NME7: variants seen among roughly 807,000 people sequenced by gnomAD.
NME7 encodes nucleoside diphosphate kinase 7.
NME7 carries 41 observed loss-of-function variants against 49.1 expected under a neutral mutation model. The observed-to-expected ratio is 0.83, with a 90% CI of 0.65 to 1.08. NME7 has a LOEUF of 1.08. NME7 is among the 50% of genes least tolerant of loss of function. The probability of loss-of-function intolerance (pLI) is 0.00; values close to 1 mark genes in which losing one functional copy is unlikely to be tolerated. For synonymous variants in NME7, 139 were observed against 150.6 expected (o/e 0.92, Z 0.56); for missense variants, 423 against 463.4 (o/e 0.91, Z 0.80).
chr1:169,262,942 G>A (rs1649209108), intron 7 of NME7, among the ~76,000 whole-genome samples: 1 of 133,158 alleles, frequency 7.5e-6, no homozygotes, highest in Non-Finnish European at 1.8e-5. Context: ...CCTTGGACCA[G>A]AATAACCAAC....
intron 10 of NME7, among the ~76,000 whole-genome samples, chr1:169,170,826 C>T (rs1375616447): frequency 6.6e-6 from 1 of 152,068 alleles, no homozygotes; most frequent in African/African-American, 2.4e-5. Flanking sequence ...ATTTAGGAGG[C>T]TCAGGCAGGA....
intron 11 of NME7, among the ~76,000 whole-genome samples, chr1:169,151,431 C>T (rs1658911891): frequency 6.6e-6 from 1 of 152,172 alleles, no homozygotes. Context: ...GACTCCCCAG[C>T]TGACCACCAT....
chr1:169,263,848 G>A lies in NME7; in HGVS notation c.754+23455C>T, dbSNP rs185812503. 1.2e-3 allele frequency among the ~76,000 whole-genome samples: 162 copies of A among 132,066 alleles called. 19 individuals carry two copies. The highest frequency in any genetic ancestry group is 3.9e-3 in the African/African-American group (155 of 39,270). 86.6% of individuals were successfully genotyped at this position (132,066 alleles called of 152,430 possible). On this transcript the variant is annotated intron_variant, in intron 7 of 11. Transcript: ENST00000367811. ...AGAAAAAATGTTAAAAGCAGCTAGAGAGAAAGGACAGGTCACCTAAAAAGA... is the reference window on the plus strand; with the variant it reads ...AGAAAAAATGTTAAAAGCAGCTAGAAAGAAAGGACAGGTCACCTAAAAAGA...
chr1:169,266,969 GA>G (rs1649336989), intron 7 of NME7, among the ~76,000 whole-genome samples: 2 of 132,996 alleles, frequency 1.5e-5, no homozygotes, highest in Non-Finnish European at 3.5e-5. Context: ...TTGGGAGGCT[GA>G]GGCACAAGAA....
intron 10 of NME7, among the ~76,000 whole-genome samples, chr1:169,219,469 T>A (rs1189053024): frequency 6.6e-6 from 1 of 152,158 alleles, no homozygotes; most frequent in Non-Finnish European, 1.5e-5. Flanking sequence ...GATTTTGGTG[T>A]CTGAGGGGGT....
intron 7 of NME7, among the ~76,000 whole-genome samples, chr1:169,277,778 G>T (rs201966537): frequency 2.1e-4 from 25 of 119,598 alleles, no homozygotes; most frequent in Admixed American, 2.7e-4. Flanking sequence ...TTTCTTCCTA[G>T]TCTTGATGGT....
At chr1:169,241,623 T>C (rs968631022) in intron 7 of NME7, among the ~76,000 whole-genome samples, 11 of 151,920 alleles carry the variant, frequency 7.2e-5, no homozygotes, top group African/African-American at 2.4e-4. Flanking sequence ...ATGCTCACCA[T>C]AGAATTATTA....
At chr1:169,232,625 C>T (rs1004212224) in intron 9 of NME7, among the ~76,000 whole-genome samples, 1 of 151,136 alleles carries the variant, frequency 6.6e-6, no homozygotes, top group Non-Finnish European at 1.5e-5. Flanking sequence ...CAATGATGAC[C>T]AAAAAATGTA....
intron 3 of NME7, among the ~76,000 whole-genome samples, chr1:169,317,233 C>G (rs143631322): frequency 6.6e-6 from 1 of 152,166 alleles, no homozygotes; most frequent in East Asian, 1.9e-4. Context: ...TCAATCAAAC[C>G]CTTTCTAAGG....
At chr1:169,268,099 T>TA (rs1455186429) in intron 7 of NME7, among the ~76,000 whole-genome samples, 1 of 130,444 alleles carries the variant, frequency 7.7e-6, no homozygotes, top group African/African-American at 2.6e-5. Context: ...AGGAAAAAAA[T>TA]AAAAACAACC....
At chr1:169,249,974 T>C (rs1648492906) in intron 7 of NME7, among the ~76,000 whole-genome samples, 1 of 152,114 alleles carries the variant, frequency 6.6e-6, no homozygotes, top group Non-Finnish European at 1.5e-5. Context: ...GGTATCAGAA[T>C]GATACTGGCT....
intron 1 of NME7, among the ~76,000 whole-genome samples, chr1:169,367,329 C>G (rs1417767263): frequency 6.6e-6 from 1 of 152,146 alleles, no homozygotes; most frequent in Non-Finnish European, 1.5e-5. Context: ...AGATTCAGAT[C>G]AGTGTTGAGA....
At chr1:169,308,671 TA>T (rs924515619) in intron 4 of NME7, among the ~76,000 whole-genome samples, 1 of 142,998 alleles carries the variant, frequency 7.0e-6, no homozygotes, top group Non-Finnish European at 1.6e-5. Flanking sequence ...AAAGGATCTC[TA>T]AAAAAAACTG....
intron 10 of NME7, among the ~76,000 whole-genome samples, chr1:169,187,101 T>C (rs976451218): frequency 6.6e-6 from 1 of 152,330 alleles, no homozygotes. Context: ...GAGTTCTAAT[T>C]TGATGGCACT....
At chr1:169,133,062 T>G (rs17345087) in intron 11 of NME7, among the ~76,000 whole-genome samples, 3,529 of 152,236 alleles carry the variant, frequency 0.023, 85 homozygotes, top group Admixed American at 0.074. Flanking sequence ...TGTTGGTTCC[T>G]GCTATTGCTT....
intron 10 of NME7, among the ~76,000 whole-genome samples, chr1:169,192,195 T>A (rs1033027544): frequency 6.6e-6 from 1 of 152,150 alleles, no homozygotes; most frequent in Non-Finnish European, 1.5e-5. Flanking sequence ...TGTAGACAAT[T>A]AACGGCATAG....
At chr1:169,212,112 G>A (rs1660840953) in intron 10 of NME7, among the ~76,000 whole-genome samples, 1 of 152,034 alleles carries the variant, frequency 6.6e-6, no homozygotes, top group African/African-American at 2.4e-5. Flanking sequence ...TTTCTAGTAT[G>A]TAATTTTTAC....
At chr1:169,309,266 T>C (rs1460561630) in intron 4 of NME7, among the ~76,000 whole-genome samples, 1 of 152,210 alleles carries the variant, frequency 6.6e-6, no homozygotes, top group Non-Finnish European at 1.5e-5. Flanking sequence ...GCTGAATTTC[T>C]ACCCTGTCCT....
intron 11 of NME7, among the ~76,000 whole-genome samples, chr1:169,158,964 T>C (rs1407512629): frequency 6.6e-6 from 1 of 152,186 alleles, no homozygotes; most frequent in Non-Finnish European, 1.5e-5. Context: ...TCATTCTCCC[T>C]TTCTTCCTTC....
Sources: allele counts gnomAD v4.1 joint callset (sites outside exome capture counted in the v4.1 genomes callset), GRCh38; gene constraint gnomAD v4.1.1; transcripts MANE v1.5; gene names NCBI Gene and HGNC (gene_info 2026-07-23, HGNC 2026-07-21).